Variants in PIK3R1 observed in about 807,000 individuals in gnomAD.
PIK3R1 encodes the protein phosphatidylinositol 3-kinase regulatory subunit alpha.
Under a neutral mutation model 98.0 loss-of-function variants are expected in PIK3R1, and 29 were observed. That is an observed-to-expected ratio of 0.30 (90% CI 0.22 to 0.40). The LOEUF (loss-of-function observed/expected upper bound fraction) is 0.40. PIK3R1 is among the 10% of genes least tolerant of loss of function. The pLI, the probability that PIK3R1 is intolerant of heterozygous loss-of-function variation, is 1.00. For missense variants in PIK3R1, 596 were observed against 872.7 expected (o/e 0.68, Z 3.99); for synonymous variants, 282 against 311.8 (o/e 0.90, Z 1.01).
At chr5:68,232,285 G>C (rs753471068) in intron 2 of PIK3R1, among the ~76,000 whole-genome samples, 2 of 152,084 alleles carry the variant, frequency 1.3e-5, no homozygotes, top group African/African-American at 4.8e-5. Context: ...TGTTAACTTT[G>C]TTTCCCTAAA....
chr5:68,262,502 C>G (rs191369794), intron 2 of PIK3R1, among the ~76,000 whole-genome samples: 1 of 132,596 alleles, frequency 7.5e-6, no homozygotes, highest in East Asian at 2.2e-4. Flanking sequence ...ATACATATAT[C>G]TATATATGTA....
chr5:68,292,746 T>G lies in PIK3R1; in HGVS notation c.1020-355T>G, dbSNP rs1302891715. The G allele has an allele frequency of 7.9e-7, 1 of 1,272,030 alleles. No individual in the cohort carries two copies. The highest frequency in any genetic ancestry group is 3.7e-5 in the Admixed American group (1 of 27,118). 78.8% of individuals were successfully genotyped at this position (1,272,030 alleles called of 1,614,324 possible). A position where few individuals can be genotyped will look rare whatever the true frequency, so the allele number is the denominator to read the frequency against. ...GGGAGTAAGGTTGGAGAAACTCTTT[T>G]GAGATCATGAGTTTCTGTGCTCATT... is the stretch of plus-strand genomic sequence containing the variant. On this transcript the variant is annotated intron_variant, in intron 8 of 15. Transcript: ENST00000521381.
rs559625096 is a variant in PIK3R1, at chr5:68,293,578, C to A, written c.1299+95C>A. 1.2e-5 allele frequency: 15 copies of A among 1,223,000 alleles called. No individual in the cohort carries two copies. The African/African-American group carries it at 2.3e-4, about 19-fold the overall frequency. The allele number at this position is 1,223,000 out of a possible 1,614,324, so 75.8% of individuals were successfully genotyped here. On this transcript the variant is annotated intron_variant, in intron 10 of 15. Coordinates refer to ENST00000521381, the MANE Select transcript of PIK3R1 (RefSeq NM_181523.3). ...TTGAAGCAGATGAATTACATGTAAT[C>A]AAGTCTAAAAAACTTGACACTCGTA... is the stretch of plus-strand genomic sequence containing the variant.
intron 2 of PIK3R1, among the ~76,000 whole-genome samples, chr5:68,247,073 G>A (rs369179803): frequency 3.9e-5 from 6 of 152,280 alleles, no homozygotes; most frequent in African/African-American, 1.4e-4. Context: ...TAGTGTGATC[G>A]AAATAGAATT....
At chr5:68,285,041 A>G (rs1392375713) in intron 7 of PIK3R1, among the ~76,000 whole-genome samples, 5 of 152,238 alleles carry the variant, frequency 3.3e-5, no homozygotes, top group African/African-American at 1.2e-4. Context: ...ATGCTTAGGC[A>G]GGTAAAGTAG....
chr5:68,244,854 A>T (rs1317395410), intron 2 of PIK3R1, among the ~76,000 whole-genome samples: 2 of 152,202 alleles, frequency 1.3e-5, no homozygotes, highest in Non-Finnish European at 2.9e-5. Context: ...TCCATCTCAT[A>T]ACATGTTCCA....
chr5:68,250,117 C>A (rs901389918), intron 2 of PIK3R1, among the ~76,000 whole-genome samples: 1 of 152,170 alleles, frequency 6.6e-6, no homozygotes, highest in African/African-American at 2.4e-5. Context: ...AGCTGGGAGA[C>A]CCCCAGTGGT....
chr5:68,227,866 C>A lies in PIK3R1; in HGVS notation c.334+857C>A, dbSNP rs890866974. Among the ~76,000 whole-genome samples the A allele has an allele frequency of 2.0e-5, 3 of 152,186 alleles. No individual in the cohort carries two copies. The South Asian group carries it at 6.2e-4, about 32-fold the overall frequency. On this transcript the variant is annotated intron_variant, in intron 2 of 15. Coordinates refer to ENST00000521381, the MANE Select transcript of PIK3R1 (RefSeq NM_181523.3). ...GAATACTTTGCTTAAATGGAAACCA[C>A]CTTCATTCAAAAACCACTTATTGCT...
intron 15 of PIK3R1, 92 bp downstream of exon 15, chr5:68,296,433 A>G: frequency 8.2e-7 from 1 of 1,225,954 alleles, no homozygotes. Flanking sequence ...AAGATTTGAC[A>G]TAGTTTTAGT....
chr5:68,278,798 G>T (rs1746687169), intron 4 of PIK3R1, among the ~76,000 whole-genome samples: 1 of 152,060 alleles, frequency 6.6e-6, no homozygotes, highest in African/African-American at 2.4e-5. Flanking sequence ...AAATTAGCCA[G>T]GCGTGGTGGT....
chr5:68,263,819 T>G (rs1746007415), intron 2 of PIK3R1, among the ~76,000 whole-genome samples: 1 of 152,204 alleles, frequency 6.6e-6, no homozygotes, highest in South Asian at 2.1e-4. Flanking sequence ...CTTTCTTGCC[T>G]TTATTTTTCT....
rs540714138 is a variant in PIK3R1, at chr5:68,252,095, A to G, written c.335-21295A>G. On this transcript the variant is annotated intron_variant, in intron 2 of 15. Transcript: ENST00000521381. ...TGAACTAAAGAGCAACAACTGGTCAAGAGCCCAGCAGGGATGAAAAAGGTT... is the reference window on the plus strand; with the variant it reads ...TGAACTAAAGAGCAACAACTGGTCAGGAGCCCAGCAGGGATGAAAAAGGTT... 3.9e-5 allele frequency among the ~76,000 whole-genome samples: 6 copies of G among 152,316 alleles called. No homozygotes were observed. The East Asian group carries it at 1.2e-3, about 29-fold the overall frequency.
intron 4 of PIK3R1, among the ~76,000 whole-genome samples, chr5:68,277,015 C>G (rs1156470108): frequency 3.3e-5 from 5 of 152,292 alleles, no homozygotes; most frequent in African/African-American, 1.2e-4. Context: ...AGGGGTGGCT[C>G]ATTAGCACTG....
intron 2 of PIK3R1, among the ~76,000 whole-genome samples, chr5:68,239,565 A>C (rs904358316): frequency 2.0e-5 from 3 of 152,226 alleles, no homozygotes; most frequent in Non-Finnish European, 4.4e-5. Context: ...AAAGATAAAC[A>C]AGTTTAGTTA....
intron 1 of PIK3R1, among the ~76,000 whole-genome samples, chr5:68,220,542 T>C (rs1300452937): frequency 1.3e-5 from 2 of 152,220 alleles, no homozygotes; most frequent in Non-Finnish European, 2.9e-5. Flanking sequence ...CTGTGTTTCC[T>C]GCAGTACCTT....
At position 68,265,584 on chromosome 5, in the gene PIK3R1, G is replaced by A. The variant is rs115023632; in HGVS notation, c.335-7806G>A. On this transcript the variant is annotated intron_variant, in intron 2 of 15. Coordinates refer to ENST00000521381, the MANE Select transcript of PIK3R1 (RefSeq NM_181523.3). ...TTCTTATAAAGGCACTAATCCCATCGTGAGAGCACTTGCCCTCATGACTTC... is the reference window on the plus strand; with the variant it reads ...TTCTTATAAAGGCACTAATCCCATCATGAGAGCACTTGCCCTCATGACTTC... 4.5e-3 allele frequency among the ~76,000 whole-genome samples: 681 copies of A among 152,182 alleles called. 6 individuals carry two copies. Among genetic ancestry groups the A allele is most frequent in the African/African-American group, 0.016 (658 of 41,510 alleles).
chr5:68,278,811 A>C (rs1354782596), intron 4 of PIK3R1, among the ~76,000 whole-genome samples: 2 of 152,040 alleles, frequency 1.3e-5, no homozygotes, highest in Non-Finnish European at 2.9e-5. Context: ...GTGGTGGTAC[A>C]CACCTGTAAT....
chr5:68,273,582 A>G, intron 3 of PIK3R1, 100 bp downstream of exon 3: 1 of 1,007,986 alleles, frequency 9.9e-7, no homozygotes, highest in Non-Finnish European at 1.6e-6. Context: ...ATTTCCTACT[A>G]CCAGCTATGT....
chr5:68,273,784 G>C, intron 3 of PIK3R1, 155 bp from the exon 4 acceptor site: 1 of 679,812 alleles, frequency 1.5e-6, no homozygotes, highest in African/African-American at 1.8e-5. Flanking sequence ...AACATGCCAG[G>C]TAAGATTAAT....
Sources: allele counts gnomAD v4.1 joint callset (sites outside exome capture counted in the v4.1 genomes callset), GRCh38; gene constraint gnomAD v4.1.1; transcripts MANE v1.5; gene names NCBI Gene and HGNC (gene_info 2026-07-23, HGNC 2026-07-21).